RANBP2: variants seen among roughly 807,000 people sequenced by gnomAD.
The protein encoded by RANBP2 is RAN binding protein 2.
Under a neutral mutation model 303.6 loss-of-function variants are expected in RANBP2, and 57 were observed. The observed-to-expected ratio is 0.19, with a 90% CI of 0.15 to 0.23. The LOEUF (loss-of-function observed/expected upper bound fraction) is 0.23. RANBP2 is among the 10% of genes least tolerant of loss of function. The probability of loss-of-function intolerance (pLI) is 1.00; values close to 1 mark genes in which losing one functional copy is unlikely to be tolerated. For missense variants in RANBP2, 3,138 were observed against 3,780.8 expected (o/e 0.83, Z 4.46); for synonymous variants, 1,167 against 1,301.5 (o/e 0.90, Z 2.23).
At chr2:109,076,914 C>G in the RANBP2 span, among the ~76,000 whole-genome samples, 29 of 150,276 alleles carry the variant, frequency 1.9e-4, no homozygotes, top group African/African-American at 6.8e-4. Context: ...TATGGTACCA[C>G]AAAAGATCCT....
chr2:108,735,367 G>T lies in RANBP2; in HGVS notation c.406-165G>T, dbSNP rs536424554. Among the ~76,000 whole-genome samples, 6 of 152,230 alleles carry T rather than the reference G, an allele frequency of 3.9e-5. No individual in the cohort carries two copies. The East Asian group carries it at 9.6e-4, about 24-fold the overall frequency. On this transcript the variant is annotated intron_variant, in intron 4 of 28. Coordinates refer to ENST00000283195, the MANE Select transcript of RANBP2 (RefSeq NM_006267.5). ...TACAGTTCTTGAGGCTTAGTTTCTG[G>T]GTTGTAAGCAACTCTCAGAAGGGAT...
the RANBP2 span, among the ~76,000 whole-genome samples, chr2:109,112,291 C>T: frequency 1.3e-5 from 2 of 152,136 alleles, no homozygotes; most frequent in African/African-American, 4.8e-5. Flanking sequence ...CTCTCCAGCA[C>T]CTGTTGTTTC....
At chr2:108,798,319 C>T in the RANBP2 span, 1 of 1,148,068 alleles carries the variant, frequency 8.7e-7, no homozygotes, top group Non-Finnish European at 1.2e-6. Flanking sequence ...CTTAGGTACC[C>T]CTGTATTCCT....
chr2:109,661,246 CTTTT>C, the RANBP2 span, among the ~76,000 whole-genome samples: 1 of 137,726 alleles, frequency 7.3e-6, no homozygotes, highest in Non-Finnish European at 1.6e-5. Flanking sequence ...AGTAGAAGGG[CTTTT>C]TTTTTTTTTT....
the RANBP2 span, among the ~76,000 whole-genome samples, chr2:109,568,812 C>G: frequency 2.0e-5 from 3 of 152,092 alleles, no homozygotes; most frequent in African/African-American, 4.8e-5. Context: ...TACCTGTGCC[C>G]CACTGTCACA....
At chr2:109,138,676 C>T in the RANBP2 span, among the ~76,000 whole-genome samples, 4 of 152,320 alleles carry the variant, frequency 2.6e-5, no homozygotes, top group East Asian at 7.7e-4. Flanking sequence ...GCACACCCTG[C>T]CTGCAGACTG....
chr2:108,890,833 G>A, the RANBP2 span, among the ~76,000 whole-genome samples: 1 of 152,106 alleles, frequency 6.6e-6, no homozygotes, highest in Admixed American at 6.5e-5. Context: ...TTTCCCAAGT[G>A]TCATGAAGGC....
chr2:108,724,668 G>A (rs2149075864), intron 1 of RANBP2, among the ~76,000 whole-genome samples: 1 of 152,072 alleles, frequency 6.6e-6, no homozygotes, highest in South Asian at 2.1e-4. Context: ...TTACCTGAAA[G>A]CTGGAGTTTC....
chr2:109,131,074 C>T, the RANBP2 span, among the ~76,000 whole-genome samples: 1 of 152,192 alleles, frequency 6.6e-6, no homozygotes, highest in African/African-American at 2.4e-5. Context: ...TATTCCTCTA[C>T]TTTTGACCAT....
At chr2:109,431,609 C>T in the RANBP2 span, among the ~76,000 whole-genome samples, 6 of 152,182 alleles carry the variant, frequency 3.9e-5, no homozygotes, top group African/African-American at 1.4e-4. Flanking sequence ...AAAATTAAGG[C>T]TGGTGTAATC....
At chr2:108,813,045 C>A in the RANBP2 span, 1 of 719,864 alleles carries the variant, frequency 1.4e-6, no homozygotes, top group Non-Finnish European at 2.3e-6. Flanking sequence ...GTCAGGAGAT[C>A]GAGACCATCC....
the RANBP2 span, among the ~76,000 whole-genome samples, chr2:109,488,925 C>T: frequency 1.1e-4 from 16 of 152,180 alleles, no homozygotes; most frequent in African/African-American, 1.4e-4. Flanking sequence ...TCTGGATCCC[C>T]GTGCTGCATG....
intron 7 of RANBP2, among the ~76,000 whole-genome samples, chr2:108,745,927 G>T (rs1307232348): frequency 6.9e-6 from 1 of 145,556 alleles, no homozygotes; most frequent in African/African-American, 2.6e-5. Flanking sequence ...TTTTTTTGGA[G>T]ATAGGGTCTC....
the RANBP2 span, among the ~76,000 whole-genome samples, chr2:109,717,272 CAAAAAAA>C: frequency 2.4e-5 from 3 of 124,796 alleles, no homozygotes; most frequent in Admixed American, 1.6e-4. Context: ...AAAAACAAAC[CAAAAAAA>C]AAAAAAAAAA....
At chr2:109,002,594 C>A in the RANBP2 span, among the ~76,000 whole-genome samples, 1 of 152,174 alleles carries the variant, frequency 6.6e-6, no homozygotes, top group Non-Finnish European at 1.5e-5. Context: ...CCTGGCCCAG[C>A]CATCTCTCTA....
chr2:109,250,161 G>T, the RANBP2 span, among the ~76,000 whole-genome samples: 1 of 150,120 alleles, frequency 6.7e-6, no homozygotes, highest in African/African-American at 2.5e-5. Flanking sequence ...TGTCTTTAAG[G>T]TTTTTCTCCA....
At chr2:109,050,156 T>C in the RANBP2 span, among the ~76,000 whole-genome samples, 1 of 152,192 alleles carries the variant, frequency 6.6e-6, no homozygotes, top group Non-Finnish European at 1.5e-5. Flanking sequence ...CTGTATAATA[T>C]CTCAATTGTT....
the RANBP2 span, chr2:109,574,539 A>T: frequency 8.1e-7 from 1 of 1,242,008 alleles, no homozygotes; most frequent in Non-Finnish European, 1.1e-6. Flanking sequence ...AGTTAAAAAT[A>T]AATATTAAAG....
the RANBP2 span, among the ~76,000 whole-genome samples, chr2:109,694,704 A>C: frequency 2.6e-5 from 4 of 152,076 alleles, no homozygotes; most frequent in Non-Finnish European, 5.9e-5. Flanking sequence ...TCCTTTCAGC[A>C]TCATGTTGGC....
Sources: allele counts gnomAD v4.1 joint callset (sites outside exome capture counted in the v4.1 genomes callset), GRCh38; gene constraint gnomAD v4.1.1; transcripts MANE v1.5; gene names NCBI Gene and HGNC (gene_info 2026-07-23, HGNC 2026-07-21).